FGF12: variants seen among roughly 807,000 people sequenced by gnomAD.
The protein encoded by FGF12 is fibroblast growth factor 12B.
FGF12 carries 14 observed loss-of-function variants against 23.6 expected under a neutral mutation model. That is an observed-to-expected ratio of 0.59 (90% confidence interval 0.39 to 0.93). The LOEUF (loss-of-function observed/expected upper bound fraction) is 0.93, where lower values mean the gene tolerates loss of function less well. Ranked by LOEUF, FGF12 falls within the 40% of genes least tolerant of loss-of-function variation. The pLI, the probability that FGF12 is intolerant of heterozygous loss-of-function variation, is 0.00. For missense variants in FGF12, 175 were observed against 217.8 expected (o/e 0.80, Z 1.24); for synonymous variants, 62 against 77.3 (o/e 0.80, Z 1.04).
At chr3:192,333,611 G>C (rs1717237366) in intron 4 of FGF12, among the ~76,000 whole-genome samples, 2 of 151,970 alleles carry the variant, frequency 1.3e-5, no homozygotes, top group Non-Finnish European at 2.9e-5. Flanking sequence ...ACAAAATATA[G>C]TGTATATTTT....
At chr3:192,635,992 A>G (rs556832377) in intron 2 of FGF12, among the ~76,000 whole-genome samples, 13 of 152,312 alleles carry the variant, frequency 8.5e-5, no homozygotes, top group African/African-American at 2.9e-4. Context: ...CTCTTCACAA[A>G]TACAACCAAT....
At chr3:192,509,037 A>G (rs1393247905) in intron 2 of FGF12, among the ~76,000 whole-genome samples, 1 of 151,344 alleles carries the variant, frequency 6.6e-6, no homozygotes, top group African/African-American at 2.4e-5. Flanking sequence ...CTGAAACAGA[A>G]CCTAGATACA....
chr3:192,576,769 C>T (rs73203349), intron 2 of FGF12, among the ~76,000 whole-genome samples: 1,965 of 152,150 alleles, frequency 0.013, 22 homozygotes, highest in East Asian at 0.083. Context: ...ATGTTTATTG[C>T]GGCACTATTC....
At chr3:192,697,686 G>A (rs935503443) in intron 2 of FGF12, among the ~76,000 whole-genome samples, 2 of 152,176 alleles carry the variant, frequency 1.3e-5, no homozygotes, top group African/African-American at 4.8e-5. Context: ...CATGAAGATG[G>A]AGATGTACTG....
intron 4 of FGF12, among the ~76,000 whole-genome samples, chr3:192,183,870 C>G (rs1174971009): frequency 1.3e-5 from 2 of 152,190 alleles, no homozygotes; most frequent in African/African-American, 2.4e-5. Flanking sequence ...CTCTTTGCCA[C>G]AGTGGGTGCT....
intron 4 of FGF12, among the ~76,000 whole-genome samples, chr3:192,236,819 T>A (rs1302168865): frequency 6.6e-6 from 1 of 152,206 alleles, no homozygotes; most frequent in Non-Finnish European, 1.5e-5. Context: ...GTAGGGGCAT[T>A]TAGTACCTTT....
At chr3:192,480,023 G>A (rs936584233) in intron 2 of FGF12, among the ~76,000 whole-genome samples, 2 of 151,520 alleles carry the variant, frequency 1.3e-5, no homozygotes, top group African/African-American at 4.9e-5. Context: ...GGAGGAGGGG[G>A]GAAATGCCAT....
chr3:192,387,828 G>A (rs767132165), intron 2 of FGF12, among the ~76,000 whole-genome samples: 3 of 151,988 alleles, frequency 2.0e-5, no homozygotes, highest in South Asian at 2.1e-4. Context: ...TTGACGCTGC[G>A]GTGAGGTGTG....
rs112723257 is a variant in FGF12, at chr3:192,245,910, T to C, written c.229-75254A>G. ...CCCTAATGCTAAAAGACTGAATAAA[T>C]GTAATAGTAAAAAAGTGATTAGTAG... is the stretch of plus-strand genomic sequence containing the variant. On this transcript the variant is annotated intron_variant, in intron 4 of 5. Transcript: ENST00000445105. Among the ~76,000 whole-genome samples, 1,261 of 152,246 alleles carry C rather than the reference T, an allele frequency of 8.3e-3. 13 individuals carry two copies. The highest frequency in any genetic ancestry group is 0.029 in the African/African-American group (1,217 of 41,562).
intron 2 of FGF12, among the ~76,000 whole-genome samples, chr3:192,688,200 A>T (rs922535167): frequency 2.0e-5 from 3 of 151,812 alleles, no homozygotes; most frequent in Non-Finnish European, 4.4e-5. Context: ...ACCAAGAACG[A>T]CCTAATTGCC....
intron 4 of FGF12, 108 bp downstream of exon 4, chr3:192,335,253 T>C: frequency 2.8e-6 from 2 of 721,366 alleles, no homozygotes. Flanking sequence ...TCACAAAATA[T>C]AAAATGACTT....
Position 192,154,349 on chromosome 3 carries a change from G to T in FGF12, c.428-10222C>A, listed in dbSNP as rs564105358. On this transcript the variant is annotated intron_variant, in intron 5 of 5. Coordinates refer to ENST00000445105, the MANE Select transcript of FGF12 (RefSeq NM_004113.6). ...ATTCTCCATCCAGCTTTGTTCCGTTGCTGGTGAGGAACTGCGTTCCTTTGG... is the reference window on the plus strand; with the variant it reads ...ATTCTCCATCCAGCTTTGTTCCGTTTCTGGTGAGGAACTGCGTTCCTTTGG... 1.4e-4 allele frequency among the ~76,000 whole-genome samples: 17 copies of T among 122,544 alleles called. 2 individuals carry two copies. In the South Asian group the frequency reaches 4.2e-3, roughly 30 times the overall value. 80.4% of individuals were successfully genotyped at this position (122,544 alleles called of 152,430 possible).
chr3:192,348,092 A>G (rs1718044744), intron 3 of FGF12, among the ~76,000 whole-genome samples: 1 of 152,172 alleles, frequency 6.6e-6, no homozygotes, highest in African/African-American at 2.4e-5. Flanking sequence ...TATAGAAACA[A>G]TAAAAGTGAT....
intron 4 of FGF12, among the ~76,000 whole-genome samples, chr3:192,244,664 G>A (rs757555919): frequency 3.9e-5 from 6 of 152,026 alleles, no homozygotes; most frequent in Non-Finnish European, 8.8e-5. Flanking sequence ...TGTTCAAAGG[G>A]AAATAAATTG....
chr3:192,676,627 ATAGGG>A lies in FGF12; in HGVS notation c.13+50549_13+50553del, dbSNP rs1717335579. Among the ~76,000 whole-genome samples the A allele has an allele frequency of 3.3e-5, 5 of 152,366 alleles. No homozygotes were observed. The South Asian group carries it at 1.0e-3, about 32-fold the overall frequency. On this transcript the variant is annotated intron_variant, in intron 2 of 5. Transcript: ENST00000445105. ...ACTCAAAATGTAACCATATTTTGAG[ATAGGG>A]CCCTTACACAGGTAATCAAGTTAAA...
Position 192,417,309 on chromosome 3 carries a change from G to C in FGF12, c.14-56771C>G, listed in dbSNP as rs536802322. On this transcript the variant is annotated intron_variant, in intron 2 of 5. Transcript: ENST00000445105. Reference sequence around the variant, plus strand: ...GTTTATTATTTTGTAAGGACAAAAGGCAGGGAAAGAATGTTGACTTCATGC... The same window carrying C: ...GTTTATTATTTTGTAAGGACAAAAGCCAGGGAAAGAATGTTGACTTCATGC... Among the ~76,000 whole-genome samples, 23 of 151,516 alleles carry C rather than the reference G, an allele frequency of 1.5e-4. No homozygotes were observed. The South Asian group carries it at 4.2e-3, about 27-fold the overall frequency.
intron 2 of FGF12, among the ~76,000 whole-genome samples, chr3:192,553,481 C>A (rs1440657630): frequency 2.0e-5 from 3 of 152,112 alleles, no homozygotes; most frequent in Non-Finnish European, 4.4e-5. Flanking sequence ...TAAAGCAGCA[C>A]AGCTTAAAAA....
At chr3:192,323,511 C>T (rs1468103754) in intron 4 of FGF12, among the ~76,000 whole-genome samples, 1 of 151,966 alleles carries the variant, frequency 6.6e-6, no homozygotes, top group Non-Finnish European at 1.5e-5. Flanking sequence ...AAAATTAAAG[C>T]AATTGCACAC....
intron 2 of FGF12, among the ~76,000 whole-genome samples, chr3:192,405,888 C>A (rs1720938254): frequency 6.6e-6 from 1 of 152,194 alleles, no homozygotes; most frequent in Admixed American, 6.5e-5. Context: ...CATGCCCATT[C>A]TTCTAAGCTA....
Sources: allele counts gnomAD v4.1 joint callset (sites outside exome capture counted in the v4.1 genomes callset), GRCh38; gene constraint gnomAD v4.1.1; transcripts MANE v1.5; gene names NCBI Gene and HGNC (gene_info 2026-07-23, HGNC 2026-07-21).